UBE2W: variants seen among roughly 807,000 people sequenced by gnomAD.
UBE2W encodes the protein ubiquitin-conjugating enzyme E2 W.
A neutral mutation model predicts 27.2 loss-of-function variants in UBE2W; 18 were observed. The observed-to-expected ratio is 0.66, with a 90% confidence interval of 0.46 to 0.98. The LOEUF (loss-of-function observed/expected upper bound fraction) is 0.98. UBE2W is among the 50% of genes least tolerant of loss of function. The probability of loss-of-function intolerance (pLI) is 0.00; values close to 1 mark genes in which losing one functional copy is unlikely to be tolerated. For synonymous variants in UBE2W, 53 were observed against 57.2 expected, an observed-to-expected ratio of 0.93 and a Z score of 0.33; for missense variants, 90 against 180.2, an observed-to-expected ratio of 0.50 and a Z score of 2.87.
At position 73,794,069 on chromosome 8, in the gene UBE2W, C is replaced by A. The variant is rs761010646; in HGVS notation, c.*33G>T. On this transcript the variant is annotated 3_prime_UTR_variant, in exon 6 of 6. Transcript: ENST00000602593. ...CAAAGTGCTCATTTTCTCAGTAGGA[C>A]TATCTTCTGCTAGGAGGATGATAAC... is the stretch of plus-strand genomic sequence containing the variant. 6.2e-7 allele frequency: 1 copy of A among 1,612,916 alleles called. No homozygotes were observed.
intron 1 of UBE2W, chr8:73,834,026 C>T (rs77896643): frequency 1.2e-4 from 18 of 152,296 alleles, no homozygotes; most frequent in African/African-American, 4.1e-4. Context: ...ACAACAGGCA[C>T]CTACACTACA....
At chr8:73,864,743 A>AT (rs1437127629) in intron 1 of UBE2W, among the ~76,000 whole-genome samples, 238 of 10,158 alleles carry the variant, frequency 0.023, 18 homozygotes, top group African/African-American at 0.074. Flanking sequence ...TGTCCAGCAA[A>AT]TTTTTTTGGG....
chr8:73,842,318 GGAGATT>G (rs1810566756), intron 1 of UBE2W, among the ~76,000 whole-genome samples: 1 of 151,880 alleles, frequency 6.6e-6, no homozygotes, highest in Non-Finnish European at 1.5e-5. Flanking sequence ...TACGAGGTCA[GGAGATT>G]GAGACCATCC....
chr8:73,795,709 CTAATTCATTAGACG>C, intron 5 of UBE2W: 1 of 816,974 alleles, frequency 1.2e-6, no homozygotes, highest in Non-Finnish European at 1.5e-6. Flanking sequence ...TAAATCATCC[CTAATTCATTAGACG>C]CCTTAAAATA....
chr8:73,839,629 C>A (rs1303794123), intron 1 of UBE2W, among the ~76,000 whole-genome samples: 1 of 151,660 alleles, frequency 6.6e-6, no homozygotes, highest in East Asian at 1.9e-4. Flanking sequence ...TGCACTCCAG[C>A]CTGGGCGACA....
At chr8:73,872,396 A>C (rs750468033) in intron 1 of UBE2W, among the ~76,000 whole-genome samples, 3 of 152,228 alleles carry the variant, frequency 2.0e-5, no homozygotes, top group Non-Finnish European at 4.4e-5. Flanking sequence ...TTTAAAATTC[A>C]TATTTATATA....
intron 1 of UBE2W, among the ~76,000 whole-genome samples, chr8:73,871,302 T>C (rs1586553687): frequency 6.6e-6 from 1 of 152,330 alleles, no homozygotes; most frequent in Non-Finnish European, 1.5e-5. Context: ...GCAAATGGAA[T>C]GAAGTTGCCT....
intron 5 of UBE2W, among the ~76,000 whole-genome samples, chr8:73,798,167 G>A (rs763864957): frequency 5.9e-5 from 9 of 152,038 alleles, no homozygotes; most frequent in Non-Finnish European, 1.0e-4. Flanking sequence ...ATGGTGGTAC[G>A]TTGTCTGTAG....
Position 73,786,883 on chromosome 8 carries a change from AAG to A in UBE2W, c.*7217_*7218del. The A allele has an allele frequency of 1.0e-6, 1 of 985,410 alleles. No homozygotes were observed. Among genetic ancestry groups the A allele is most frequent in the Non-Finnish European group, 1.2e-6 (1 of 829,896 alleles). 61.0% of individuals were successfully genotyped at this position (985,410 alleles called of 1,614,324 possible). On this transcript the variant is annotated 3_prime_UTR_variant, in exon 6 of 6. Coordinates refer to ENST00000602593, the MANE Select transcript of UBE2W (RefSeq NM_018299.6). Reference sequence around the variant, plus strand: ...ATGTCATTAAATTATAACAGGATAAAAGAAATATGTTTTCATTGAGGTATGGA... The same window carrying A: ...ATGTCATTAAATTATAACAGGATAAAAAATATGTTTTCATTGAGGTATGGA...
intron 1 of UBE2W, among the ~76,000 whole-genome samples, chr8:73,865,942 G>T (rs922708096): frequency 3.3e-5 from 5 of 151,970 alleles, no homozygotes; most frequent in Admixed American, 2.0e-4. Flanking sequence ...AGTTGATAAC[G>T]CCTCTTTTAA....
chr8:73,818,306 A>C (rs559454792), intron 3 of UBE2W, among the ~76,000 whole-genome samples: 17 of 152,124 alleles, frequency 1.1e-4, no homozygotes, highest in African/African-American at 3.9e-4. Flanking sequence ...CACCTTCCAA[A>C]ACGTCCACTG....
intron 1 of UBE2W, among the ~76,000 whole-genome samples, chr8:73,848,759 A>T (rs1810927651): frequency 2.0e-5 from 3 of 152,164 alleles, no homozygotes; most frequent in African/African-American, 7.2e-5. Flanking sequence ...GTGCTTAGGA[A>T]CGGACATAAG....
chr8:73,873,288 C>T (rs750557827), intron 1 of UBE2W, among the ~76,000 whole-genome samples: 21 of 152,164 alleles, frequency 1.4e-4, no homozygotes, highest in Non-Finnish European at 2.5e-4. Flanking sequence ...GTCAAGGCAA[C>T]ATGACTACTA....
chr8:73,827,175 C>T (rs532257100), intron 2 of UBE2W, among the ~76,000 whole-genome samples: 3 of 152,078 alleles, frequency 2.0e-5, no homozygotes, highest in African/African-American at 2.4e-5. Flanking sequence ...GATACTGACA[C>T]GAGGTCAAAG....
At chr8:73,846,052 T>A (rs1157412751) in intron 1 of UBE2W, among the ~76,000 whole-genome samples, 1 of 152,136 alleles carries the variant, frequency 6.6e-6, no homozygotes, top group African/African-American at 2.4e-5. Flanking sequence ...AGTGTGTACA[T>A]CTAAACAATG....
At chr8:73,819,635 G>A (rs1236816189) in intron 3 of UBE2W, among the ~76,000 whole-genome samples, 7 of 152,146 alleles carry the variant, frequency 4.6e-5, no homozygotes, top group Admixed American at 1.3e-4. Flanking sequence ...GTACATTAGC[G>A]GCAAGCAGTG....
chr8:73,788,532 G>A lies in UBE2W; in HGVS notation c.*5570C>T. On this transcript the variant is annotated 3_prime_UTR_variant, in exon 6 of 6. Transcript: ENST00000602593. ...TTTGCCTTTACATAAACAATCTGTG[G>A]TTAACTATGAAAAGATGCATTTTCA... 1.0e-6 allele frequency: 1 copy of A among 985,294 alleles called. No homozygotes were observed. Among genetic ancestry groups the A allele is most frequent in the Non-Finnish European group, 1.2e-6 (1 of 829,906 alleles). The allele number at this position is 985,294 out of a possible 1,614,324, so 61.0% of individuals were successfully genotyped here.
In UBE2W at chr8:73,787,065, A is replaced by G; in HGVS notation, c.*7037T>C. ...CTACCTTAGTTGATAAACTTTCCTT[A>G]TTATTTCCATAATCCACTTAACTGT... On this transcript the variant is annotated 3_prime_UTR_variant, in exon 6 of 6. Coordinates refer to ENST00000602593, the MANE Select transcript of UBE2W (RefSeq NM_018299.6). 1.0e-6 allele frequency: 1 copy of G among 985,424 alleles called. No homozygotes were observed. Among genetic ancestry groups the G allele is most frequent in the Non-Finnish European group, 1.2e-6 (1 of 829,930 alleles). The allele number at this position is 985,424 out of a possible 1,614,324, so 61.0% of individuals were successfully genotyped here.
intron 1 of UBE2W, among the ~76,000 whole-genome samples, chr8:73,869,569 C>G (rs1394880311): frequency 6.6e-6 from 1 of 152,044 alleles, no homozygotes; most frequent in African/African-American, 2.4e-5. Context: ...CGCACGCCTG[C>G]AGTCCCAGCT....
Sources: gnomAD v4.1 joint callset for allele counts (sites outside exome capture counted in the v4.1 genomes callset) on GRCh38, gnomAD v4.1.1 for gene constraint, MANE v1.5 for transcripts, NCBI Gene and HGNC (gene_info 2026-07-23, HGNC 2026-07-21) for gene names.